NR3C2: variants seen among roughly 807,000 people sequenced by gnomAD.
NR3C2 encodes nuclear receptor subfamily 3 group C member 2, also known as mineralocorticoid receptor.
A neutral mutation model predicts 86.4 loss-of-function variants in NR3C2; 15 were observed. The observed-to-expected ratio is 0.17, with a 90% CI of 0.12 to 0.27. The LOEUF (loss-of-function observed/expected upper bound fraction) is 0.27, where lower values mean the gene tolerates loss of function less well. Among genes scored for constraint, NR3C2 ranks in the 10% least tolerant of loss-of-function variants. The probability of loss-of-function intolerance (pLI) is 1.00; values close to 1 mark genes in which losing one functional copy is unlikely to be tolerated. For missense variants in NR3C2, 960 were observed against 1,195.6 expected (o/e 0.80, Z 2.91); for synonymous variants, 458 against 450.5 (o/e 1.02, Z -0.21).
rs963039018 is a variant in NR3C2, at chr4:148,092,087, C to T, written c.2800-10588G>A. On this transcript the variant is annotated intron_variant, in intron 8 of 8. Coordinates refer to ENST00000358102, the MANE Select transcript of NR3C2 (RefSeq NM_000901.5). ...GGGATGCCCCAGCAATTTCCTCAGA[C>T]ACTCACTTGGCATGGAATCATTTTT... is the stretch of plus-strand genomic sequence containing the variant. Among the ~76,000 whole-genome samples the T allele has an allele frequency of 3.3e-5, 5 of 152,210 alleles. No homozygotes were observed. In the East Asian group the frequency reaches 9.6e-4, roughly 29 times the overall value.
intron 2 of NR3C2, among the ~76,000 whole-genome samples, chr4:148,277,042 A>C (rs1156710423): frequency 2.6e-5 from 4 of 152,274 alleles, no homozygotes; most frequent in Non-Finnish European, 5.9e-5. Context: ...TGATCTTTAG[A>C]AACAAAAGAA....
At chr4:148,129,437 G>C (rs9994070) in intron 6 of NR3C2, among the ~76,000 whole-genome samples, 1 of 152,014 alleles carries the variant, frequency 6.6e-6, no homozygotes, top group Non-Finnish European at 1.5e-5. Flanking sequence ...CTGGAGACTG[G>C]TTGCACAACA....
At chr4:148,133,011 C>G (rs1202188031) in intron 6 of NR3C2, among the ~76,000 whole-genome samples, 6 of 151,980 alleles carry the variant, frequency 3.9e-5, no homozygotes. Context: ...TCAGCCTGGG[C>G]AACATAGTAG....
Position 148,194,802 on chromosome 4 carries a change from T to C in NR3C2, c.1958A>G (p.Lys653Arg). 6.2e-7 allele frequency: 1 copy of C among 1,612,700 alleles called. No homozygotes were observed. The highest frequency in any genetic ancestry group is 8.5e-7 in the Non-Finnish European group (1 of 1,179,870). ...NDCIIDKIRR[K>R]NCPACRLQKC... ...CTGAAGTCTGCAAGCAGGACAATTC[T>C]TTCGTCGAATCTTATCAATGATGCA... The change falls in exon 4 of 9, where the codon AAG becomes AGG. Residue 653 changes from lysine (K) to arginine (R), a missense_variant. Physicochemically the swap from Lys to Arg is conservative, Grantham distance 26. Around this residue, in one of 4 missense-constraint regions of NR3C2, gnomAD observed 47 missense variants for 107.3 expected, o/e 0.44. Transcript: ENST00000358102.
At chr4:148,361,498 AG>A (rs1745834826) in intron 2 of NR3C2, among the ~76,000 whole-genome samples, 1 of 152,212 alleles carries the variant, frequency 6.6e-6, no homozygotes, top group Admixed American at 6.5e-5. Context: ...TACTGCCCTT[AG>A]GGGCCTCTGA....
chr4:148,124,476 T>G (rs1732656094), intron 6 of NR3C2, among the ~76,000 whole-genome samples: 1 of 152,240 alleles, frequency 6.6e-6, no homozygotes, highest in African/African-American at 2.4e-5. Flanking sequence ...CTCCTGAAGG[T>G]AGCCTGCATT....
chr4:148,257,282 C>T (rs550097668), intron 3 of NR3C2, among the ~76,000 whole-genome samples: 38 of 152,244 alleles, frequency 2.5e-4, no homozygotes, highest in African/African-American at 8.9e-4. Context: ...CATACAAAGT[C>T]ACATATATAC....
At chr4:148,247,530 T>C (rs1160322298) in intron 3 of NR3C2, among the ~76,000 whole-genome samples, 1 of 151,926 alleles carries the variant, frequency 6.6e-6, no homozygotes, top group Admixed American at 6.6e-5. Context: ...CCCAATATGA[T>C]GAGTCTGCTC....
intron 2 of NR3C2, among the ~76,000 whole-genome samples, chr4:148,265,782 C>T (rs1365350389): frequency 1.3e-5 from 2 of 152,146 alleles, no homozygotes; most frequent in African/African-American, 2.4e-5. Context: ...GATCAGTAAA[C>T]ATCCTCACAT....
At chr4:148,151,997 G>C (rs1734124067) in intron 6 of NR3C2, among the ~76,000 whole-genome samples, 1 of 152,134 alleles carries the variant, frequency 6.6e-6, no homozygotes, top group Admixed American at 6.6e-5. Context: ...TTTTATGATG[G>C]CAAAGAAGGG....
At chr4:148,086,440 A>C (rs1351224550) in intron 8 of NR3C2, among the ~76,000 whole-genome samples, 1 of 152,228 alleles carries the variant, frequency 6.6e-6, no homozygotes, top group African/African-American at 2.4e-5. Flanking sequence ...GCTTCATGCT[A>C]AAAACTCCCA....
intron 2 of NR3C2, among the ~76,000 whole-genome samples, chr4:148,381,766 A>C (rs1323947366): frequency 6.6e-6 from 1 of 152,220 alleles, no homozygotes; most frequent in Non-Finnish European, 1.5e-5. Flanking sequence ...CATTTAGTAA[A>C]TGATACCATA....
At chr4:148,257,164 T>C (rs1579073690) in intron 3 of NR3C2, among the ~76,000 whole-genome samples, 1 of 152,340 alleles carries the variant, frequency 6.6e-6, no homozygotes, top group African/African-American at 2.4e-5. Context: ...CAGAATTCTC[T>C]GCTTCTGTAA....
Position 148,209,347 on chromosome 4 carries a change from A to G in NR3C2, c.1898-14485T>C, listed in dbSNP as rs77201286. ...GTGGTGCAATCACGGGTGGGCTATCACAGCTTACTGTAGCCTCAACCTTCT... is the reference window on the plus strand; with the variant it reads ...GTGGTGCAATCACGGGTGGGCTATCGCAGCTTACTGTAGCCTCAACCTTCT... On this transcript the variant is annotated intron_variant, in intron 3 of 8. Transcript: ENST00000358102. 1.8e-3 allele frequency among the ~76,000 whole-genome samples: 276 copies of G among 152,110 alleles called. 7 individuals are homozygous for G. The East Asian group carries it at 0.051, about 28-fold the overall frequency.
chr4:148,181,242 C>T (rs978320781), intron 4 of NR3C2, among the ~76,000 whole-genome samples: 5 of 152,098 alleles, frequency 3.3e-5, no homozygotes, highest in African/African-American at 1.2e-4. Context: ...ATTTTAGTGT[C>T]TTCACTAAAG....
At chr4:148,200,448 G>A (rs1263325394) in intron 3 of NR3C2, among the ~76,000 whole-genome samples, 2 of 150,868 alleles carry the variant, frequency 1.3e-5, no homozygotes, top group African/African-American at 2.4e-5. Context: ...GATTTACACC[G>A]CTTCTCCCCA....
chr4:148,363,918 T>C (rs1367662130), intron 2 of NR3C2, among the ~76,000 whole-genome samples: 1 of 152,194 alleles, frequency 6.6e-6, no homozygotes, highest in Non-Finnish European at 1.5e-5. Flanking sequence ...GTGTTACAGA[T>C]AGAAAATTCT....
chr4:148,122,088 T>C (rs1275859129), intron 6 of NR3C2, among the ~76,000 whole-genome samples: 1 of 152,216 alleles, frequency 6.6e-6, no homozygotes. Context: ...TCATTTTTTT[T>C]CTATTTGATG....
chr4:148,102,014 C>T (rs1348973591), intron 8 of NR3C2, among the ~76,000 whole-genome samples: 1 of 152,216 alleles, frequency 6.6e-6, no homozygotes, highest in African/African-American at 2.4e-5. Context: ...GTTGCTATGG[C>T]TACTGAAAGT....
Sources: gnomAD v4.1 joint callset for allele counts (sites outside exome capture counted in the v4.1 genomes callset) on GRCh38, gnomAD v4.1.1 for gene constraint, gnomAD v4.1.1 regional missense constraint, MANE v1.5 for transcripts, NCBI Gene and HGNC (gene_info 2026-07-23, HGNC 2026-07-21) for gene names.